The following KIRREL1 variants were observed in gnomAD, a reference collection of about 807,000 sequenced individuals.
The protein encoded by KIRREL1 is kin of IRRE-like protein 1.
In KIRREL1, 25 loss-of-function variants were observed where a neutral mutation model predicts 83.3. That is an observed-to-expected ratio of 0.30 (90% CI 0.22 to 0.42). The LOEUF is 0.42. KIRREL1 is among the 10% of genes least tolerant of loss of function. The pLI is 1.00. For missense variants in KIRREL1, 812 were observed against 1,032.3 expected, an observed-to-expected ratio of 0.79 and a Z score of 2.92; for synonymous variants, 388 against 410.4, an observed-to-expected ratio of 0.95 and a Z score of 0.66.
At chr1:157,996,076 G>C (rs1371863535) in intron 1 of KIRREL1, among the ~76,000 whole-genome samples, 1 of 150,660 alleles carries the variant, frequency 6.6e-6, no homozygotes, top group Non-Finnish European at 1.5e-5. Context: ...GAATGATGGT[G>C]GGGGAATAGG....
At chr1:158,035,129 A>T (rs1265525496) in intron 1 of KIRREL1, among the ~76,000 whole-genome samples, 1 of 152,214 alleles carries the variant, frequency 6.6e-6, no homozygotes, top group African/African-American at 2.4e-5. Context: ...GGTAGGAGCC[A>T]TTCCCTTTGC....
At chr1:158,041,722 T>C (rs548060589) in intron 1 of KIRREL1, among the ~76,000 whole-genome samples, 1 of 152,280 alleles carries the variant, frequency 6.6e-6, no homozygotes, top group African/African-American at 2.4e-5. Context: ...AAATCTCAGC[T>C]CCCTTACCTA....
chr1:158,018,381 G>A lies in KIRREL1; in HGVS notation c.52+24653G>A, dbSNP rs138338730. ...AAGGGCTGTGGGAACTGATGTAGAG[G>A]GCTGGTGATGGTGAAGCTGGTGAAG... is the stretch of plus-strand genomic sequence containing the variant. On this transcript the variant is annotated intron_variant, in intron 1 of 14. Coordinates refer to ENST00000359209, the MANE Select transcript of KIRREL1 (RefSeq NM_018240.7). Among the ~76,000 whole-genome samples the A allele has an allele frequency of 4.4e-3, 670 of 152,274 alleles. 7 individuals carry two copies. Among genetic ancestry groups the A allele is most frequent in the African/African-American group, 0.015 (624 of 41,554 alleles).
chr1:158,027,282 C>T (rs80238912), intron 1 of KIRREL1, among the ~76,000 whole-genome samples: 1,913 of 152,288 alleles, frequency 0.013, 46 homozygotes, highest in African/African-American at 0.044. Flanking sequence ...GAGCAAGGCA[C>T]GTGGGAAGGA....
At chr1:158,010,125 A>G (rs1659631358) in intron 1 of KIRREL1, among the ~76,000 whole-genome samples, 1 of 152,112 alleles carries the variant, frequency 6.6e-6, no homozygotes, top group South Asian at 2.1e-4. Context: ...GTTCATGAAA[A>G]GGACTGGCTC....
chr1:158,096,351 G>A lies in KIRREL1; in HGVS notation c.*1231G>A, dbSNP rs1450293797. 1.1e-5 allele frequency: 4 copies of A among 354,716 alleles called. No individual in the cohort carries two copies. Among genetic ancestry groups the A allele is most frequent in the African/African-American group, 8.6e-5 (4 of 46,632 alleles). 22.0% of individuals were successfully genotyped at this position (354,716 alleles called of 1,614,324 possible). A position where few individuals can be genotyped will look rare whatever the true frequency, so the allele number is the denominator to read the frequency against. On this transcript the variant is annotated 3_prime_UTR_variant, in exon 15 of 15. Transcript: ENST00000359209. ...ACCTTCCAGGGGGTATGGGAGACAGGTTTTGGTTTTTAAGTGTCTTTTTTT... is the reference window on the plus strand; with the variant it reads ...ACCTTCCAGGGGGTATGGGAGACAGATTTTGGTTTTTAAGTGTCTTTTTTT...
Position 158,096,511 on chromosome 1 carries a change from A to G in KIRREL1, c.*1391A>G, listed in dbSNP as rs749129582. 1 of 451,910 alleles carries G rather than the reference A, an allele frequency of 2.2e-6. No individual in the cohort carries two copies. The highest frequency in any genetic ancestry group is 1.6e-5 in the South Asian group (1 of 64,036). The allele number at this position is 451,910 out of a possible 1,614,324, so 28.0% of individuals were successfully genotyped here. A position where few individuals can be genotyped will look rare whatever the true frequency, so the allele number is the denominator to read the frequency against. On this transcript the variant is annotated 3_prime_UTR_variant, in exon 15 of 15. Coordinates refer to ENST00000359209, the MANE Select transcript of KIRREL1 (RefSeq NM_018240.7). ...CCTCGGACACACTGTTAAGTGTTACAGTGTTAGGAGAGAGATGGGTGAGGG... is the reference window on the plus strand; with the variant it reads ...CCTCGGACACACTGTTAAGTGTTACGGTGTTAGGAGAGAGATGGGTGAGGG...
intron 1 of KIRREL1, among the ~76,000 whole-genome samples, chr1:158,037,482 A>G (rs1415887458): frequency 7.3e-6 from 1 of 136,556 alleles, no homozygotes; most frequent in Non-Finnish European, 1.5e-5. Flanking sequence ...ACAAAGCAAG[A>G]CTCTGGCAAA....
intron 1 of KIRREL1, among the ~76,000 whole-genome samples, chr1:158,011,889 CTTCT>C (rs1659698354): frequency 6.6e-6 from 1 of 152,128 alleles, no homozygotes; most frequent in Non-Finnish European, 1.5e-5. Flanking sequence ...CAGCATCTTT[CTTCT>C]TTCTGAGCTC....
At chr1:157,995,444 G>A (rs1202336820) in intron 1 of KIRREL1, among the ~76,000 whole-genome samples, 1 of 152,026 alleles carries the variant, frequency 6.6e-6, no homozygotes, top group Non-Finnish European at 1.5e-5. Context: ...ACTTTGTTCA[G>A]CCAGGCTGTT....
chr1:158,071,761 G>C (rs1278446731), intron 1 of KIRREL1, among the ~76,000 whole-genome samples: 1 of 152,138 alleles, frequency 6.6e-6, no homozygotes, highest in Non-Finnish European at 1.5e-5. Flanking sequence ...CTCAGTCCAG[G>C]GCAGGCTCTG....
intron 1 of KIRREL1, among the ~76,000 whole-genome samples, chr1:158,015,997 T>C (rs1353233435): frequency 6.6e-6 from 1 of 152,170 alleles, no homozygotes; most frequent in Non-Finnish European, 1.5e-5. Context: ...ACATAGAGCA[T>C]AGTGCCTGAC....
chr1:158,096,369 C>CTTTT lies in KIRREL1; in HGVS notation c.*1258_*1261dup. 1 of 301,190 alleles carries CTTTT rather than the reference C, an allele frequency of 3.3e-6. No homozygotes were observed. Among genetic ancestry groups the CTTTT allele is most frequent in the Non-Finnish European group, 6.6e-6 (1 of 152,300 alleles). The allele number at this position is 301,190 out of a possible 1,614,324, so 18.7% of individuals were successfully genotyped here. ...GAGACAGGTTTTGGTTTTTAAGTGT[C>CTTTT]TTTTTTTTTTTTCTTGGACCAATCA... On this transcript the variant is annotated 3_prime_UTR_variant, in exon 15 of 15. Coordinates refer to ENST00000359209, the MANE Select transcript of KIRREL1 (RefSeq NM_018240.7).
intron 1 of KIRREL1, among the ~76,000 whole-genome samples, chr1:158,046,799 C>G (rs1233148171): frequency 1.3e-5 from 2 of 152,106 alleles, no homozygotes; most frequent in Non-Finnish European, 2.9e-5. Context: ...ATTGGTAACT[C>G]AGCACTAAAA....
At chr1:158,002,637 G>A (rs114581668) in intron 1 of KIRREL1, among the ~76,000 whole-genome samples, 126 of 152,304 alleles carry the variant, frequency 8.3e-4, no homozygotes, top group Non-Finnish European at 1.4e-3. Context: ...AGTATGGTGT[G>A]GGAGATGGAT....
chr1:158,049,805 G>T lies in KIRREL1; in HGVS notation c.53-26308G>T, dbSNP rs750412105. On this transcript the variant is annotated intron_variant, in intron 1 of 14. Transcript: ENST00000359209. ...TGGTGCCTGCTATGAGGTAGGAGAA[G>T]AAAGTCTGGGATGAGCCCCAGGTTT... Among the ~76,000 whole-genome samples the T allele has an allele frequency of 3.3e-5, 5 of 152,124 alleles. 1 individual carries two copies. Among genetic ancestry groups the T allele is most frequent in the Admixed American group, 2.0e-4 (3 of 15,276 alleles).
chr1:158,023,292 T>G (rs1397656894), intron 1 of KIRREL1, among the ~76,000 whole-genome samples: 1 of 152,196 alleles, frequency 6.6e-6, no homozygotes, highest in Non-Finnish European at 1.5e-5. Context: ...TGGTGAGGGC[T>G]CTGTAGTTTT....
chr1:158,021,727 G>T (rs1308623489), intron 1 of KIRREL1, among the ~76,000 whole-genome samples: 1 of 150,680 alleles, frequency 6.6e-6, no homozygotes, highest in African/African-American at 2.5e-5. Flanking sequence ...AGGCCCTAGA[G>T]GTTCTGGGGG....
intron 1 of KIRREL1, among the ~76,000 whole-genome samples, chr1:158,010,828 C>T (rs533680431): frequency 6.6e-6 from 1 of 151,916 alleles, no homozygotes; most frequent in South Asian, 2.1e-4. Context: ...GCAAACTGGG[C>T]CAGAAGAAAG....
Sources: gnomAD v4.1 joint callset for allele counts (sites outside exome capture counted in the v4.1 genomes callset) on GRCh38, gnomAD v4.1.1 for gene constraint, MANE v1.5 for transcripts, NCBI Gene and HGNC (gene_info 2026-07-23, HGNC 2026-07-21) for gene names.